CCNY: variants seen among roughly 807,000 people sequenced by gnomAD.
CCNY encodes the protein cyclin Y.
CCNY carries 19 observed loss-of-function variants against 42.8 expected under a neutral mutation model. That is an observed-to-expected ratio of 0.44 (90% CI 0.31 to 0.65). The LOEUF is 0.65. Ranked by LOEUF, CCNY falls within the 30% of genes least tolerant of loss-of-function variation. CCNY has a pLI of 0.07. For missense variants in CCNY, 370 were observed against 437.3 expected, an observed-to-expected ratio of 0.85 and a Z score of 1.37; for synonymous variants, 165 against 162.7, an observed-to-expected ratio of 1.01 and a Z score of -0.11.
In CCNY at chr10:35,561,591, T is replaced by C. The variant is rs189047317; in HGVS notation, c.747-4432T>C. ...CTCACAGGTTTCAGCTGGAAACCTT[T>C]TCAAATGGGGTTTTTGGTAGTGCTT... is the stretch of plus-strand genomic sequence containing the variant. On this transcript the variant is annotated intron_variant, in intron 8 of 9. Coordinates refer to ENST00000374704, the MANE Select transcript of CCNY (RefSeq NM_145012.6). 5.1e-4 allele frequency among the ~76,000 whole-genome samples: 78 copies of C among 152,268 alleles called. 1 individual carries two copies. The highest frequency in any genetic ancestry group is 1.7e-3 in the African/African-American group (70 of 41,556).
At chr10:35,269,907 C>T (rs1458915481) in intron 3 of CCNY, among the ~76,000 whole-genome samples, 2 of 152,104 alleles carry the variant, frequency 1.3e-5, no homozygotes, top group African/African-American at 4.8e-5. Flanking sequence ...GGGTTACGTG[C>T]CCGGCCAAGT....
At chr10:35,281,335 G>T (rs1180329821) in intron 3 of CCNY, among the ~76,000 whole-genome samples, 1 of 151,964 alleles carries the variant, frequency 6.6e-6, no homozygotes, top group Non-Finnish European at 1.5e-5. Flanking sequence ...GTCTGACTCT[G>T]TCGCCCAGGG....
chr10:35,380,345 C>T (rs749816285), intron 1 of CCNY, among the ~76,000 whole-genome samples: 13 of 152,212 alleles, frequency 8.5e-5, no homozygotes, highest in Admixed American at 1.3e-4. Context: ...ATGTCTTTCC[C>T]TTTCTCTCCC....
At chr10:35,397,762 C>G (rs1837556071) in intron 1 of CCNY, among the ~76,000 whole-genome samples, 2 of 152,206 alleles carry the variant, frequency 1.3e-5, no homozygotes, top group South Asian at 4.1e-4. Context: ...ATGGCCCCAG[C>G]TGTGTGTGGG....
chr10:35,484,994 A>G (rs899742203), intron 2 of CCNY, among the ~76,000 whole-genome samples: 1 of 152,200 alleles, frequency 6.6e-6, no homozygotes, highest in Non-Finnish European at 1.5e-5. Flanking sequence ...TGCACTAGAT[A>G]TCATTCCCTT....
intron 7 of CCNY, among the ~76,000 whole-genome samples, chr10:35,546,815 T>G (rs1386390077): frequency 6.6e-6 from 1 of 152,186 alleles, no homozygotes; most frequent in African/African-American, 2.4e-5. Context: ...TTATTAATAT[T>G]CATCAACTAA....
At chr10:35,533,053 G>A (rs1840803135) in intron 7 of CCNY, among the ~76,000 whole-genome samples, 1 of 152,214 alleles carries the variant, frequency 6.6e-6, no homozygotes, top group Non-Finnish European at 1.5e-5. Context: ...GCGCACTGCT[G>A]TGGCTCTGGG....
chr10:35,492,758 G>A (rs1202579500), intron 2 of CCNY, among the ~76,000 whole-genome samples: 1 of 152,234 alleles, frequency 6.6e-6, no homozygotes, highest in Non-Finnish European at 1.5e-5. Context: ...GTGGCACGGT[G>A]GCAGTCTTCC....
intron 1 of CCNY, among the ~76,000 whole-genome samples, chr10:35,350,912 T>C (rs1220330033): frequency 6.6e-6 from 1 of 152,200 alleles, no homozygotes; most frequent in African/African-American, 2.4e-5. Flanking sequence ...AAACATTGTC[T>C]CTAAGTATAT....
At chr10:35,416,473 G>A (rs1838028561) in intron 1 of CCNY, among the ~76,000 whole-genome samples, 1 of 152,074 alleles carries the variant, frequency 6.6e-6, no homozygotes, top group Non-Finnish European at 1.5e-5. Context: ...TTTTGATTGG[G>A]GAGAAATTAG....
chr10:35,487,673 G>A (rs1418791965), intron 2 of CCNY, among the ~76,000 whole-genome samples: 1 of 152,062 alleles, frequency 6.6e-6, no homozygotes, highest in Non-Finnish European at 1.5e-5. Context: ...AACAAAACTG[G>A]TTAAGTAGCC....
chr10:35,337,182 C>A lies in CCNY; in HGVS notation c.129C>A (p.His43Gln). 1 of 1,566,598 alleles carries A rather than the reference C, an allele frequency of 6.4e-7. No homozygotes were observed. Among genetic ancestry groups the A allele is most frequent in the Non-Finnish European group, 8.6e-7 (1 of 1,157,992 alleles). The stretch of plus-strand genomic sequence containing the variant: ...AGGACACGGGCTGCAACCTGCAGCA[C>A]ATCAGCGACCGGGAGAACATAGACG... ...SREDTGCNLQ[H>Q]ISDRENIDDL... The change falls in exon 1 of 10, where the codon CAC (histidine) becomes CAA (glutamine). Residue 43 changes from histidine to glutamine, a missense_variant. Physicochemically the swap from His to Gln is conservative, Grantham distance 24 (BLOSUM62 0). Coordinates refer to ENST00000374704, the MANE Select transcript of CCNY (RefSeq NM_145012.6).
chr10:35,257,159 T>C (rs2095716158), intron 3 of CCNY, among the ~76,000 whole-genome samples: 2 of 152,120 alleles, frequency 1.3e-5, no homozygotes, highest in African/African-American at 2.4e-5. Flanking sequence ...GAGCATTTAT[T>C]GTGGGGCAGG....
rs530997888 is a variant in CCNY, at chr10:35,318,823, C to A, written c.-9+68197C>A. Among the ~76,000 whole-genome samples the A allele has an allele frequency of 2.6e-5, 4 of 151,790 alleles. No individual in the cohort carries two copies. In the South Asian group the frequency reaches 8.3e-4, roughly 32 times the overall value. ...AAACCAAATTAAACCAAAGTAAAAC[C>A]AAGTAAAAGGAAGGAAATAATAAAT... is the stretch of plus-strand genomic sequence containing the variant. On this transcript the variant is annotated intron_variant, in intron 3 of 11. Coordinates refer to the CCNY transcript ENST00000374706.
intron 2 of CCNY, among the ~76,000 whole-genome samples, chr10:35,487,365 G>A (rs190999971): frequency 1.6e-4 from 25 of 152,198 alleles, no homozygotes; most frequent in Non-Finnish European, 5.9e-5. Context: ...TTGGGATGAG[G>A]ACAGTCATGT....
intron 1 of CCNY, among the ~76,000 whole-genome samples, chr10:35,341,111 A>G (rs918454516): frequency 6.6e-6 from 1 of 152,300 alleles, no homozygotes; most frequent in African/African-American, 2.4e-5. Context: ...TCGTTATTGC[A>G]CAAGTAAAAG....
At chr10:35,538,031 C>T (rs996542775) in intron 7 of CCNY, among the ~76,000 whole-genome samples, 2 of 152,068 alleles carry the variant, frequency 1.3e-5, no homozygotes, top group Non-Finnish European at 2.9e-5. Context: ...TGGTTTCCCC[C>T]ATACTGTTCT....
intron 1 of CCNY, among the ~76,000 whole-genome samples, chr10:35,395,549 A>G (rs1837506642): frequency 6.6e-6 from 1 of 152,042 alleles, no homozygotes; most frequent in Non-Finnish European, 1.5e-5. Flanking sequence ...GGGGGACAGT[A>G]GAGGACGAGG....
intron 8 of CCNY, among the ~76,000 whole-genome samples, chr10:35,556,420 T>C (rs1841363834): frequency 6.6e-6 from 1 of 152,198 alleles, no homozygotes; most frequent in Non-Finnish European, 1.5e-5. Flanking sequence ...AGTCCTTGCG[T>C]GTTCAGATTC....
Sources: allele counts gnomAD v4.1 joint callset (sites outside exome capture counted in the v4.1 genomes callset), GRCh38; gene constraint gnomAD v4.1.1; transcripts MANE v1.5; gene names NCBI Gene and HGNC (gene_info 2026-07-23, HGNC 2026-07-21).